The following CDH23 variants were observed in gnomAD, a reference collection of about 807,000 sequenced individuals.
The protein encoded by CDH23 is cadherin related 23.
Under a neutral mutation model 317.1 loss-of-function variants are expected in CDH23, and 189 were observed. That is an observed-to-expected ratio of 0.60 (90% CI 0.53 to 0.67). The LOEUF (loss-of-function observed/expected upper bound fraction) is 0.67, where lower values mean the gene tolerates loss of function less well. CDH23 is among the 30% of genes least tolerant of loss of function. The pLI, the probability that CDH23 is intolerant of heterozygous loss-of-function variation, is 0.00. For synonymous variants in CDH23, 1,839 were observed against 1,876.8 expected, an observed-to-expected ratio of 0.98 and a Z score of 0.52; for missense variants, 4,401 against 4,592.4, an observed-to-expected ratio of 0.96 and a Z score of 1.20.
intron 14 of CDH23, among the ~76,000 whole-genome samples, chr10:71,672,024 C>T (rs931903652): frequency 6.6e-6 from 1 of 152,116 alleles, no homozygotes; most frequent in South Asian, 2.1e-4. Context: ...TGACCCCACG[C>T]TGCCCTCTGG....
chr10:71,808,128 A>T (rs1377559616), intron 60 of CDH23, 121 bp downstream of exon 60: 1 of 1,192,068 alleles, frequency 8.4e-7, no homozygotes, highest in East Asian at 2.6e-5. Context: ...CCCCCCAGCC[A>T]GCCACACCAA....
chr10:71,716,269 G>A (rs570478513), intron 28 of CDH23: 15 of 1,538,870 alleles, frequency 9.7e-6, no homozygotes, highest in East Asian at 2.5e-5. Context: ...CGGGAGTGAC[G>A]GGAGCTGAGA....
At chr10:71,676,896 T>C (rs1864393788) in intron 15 of CDH23, among the ~76,000 whole-genome samples, 1 of 152,198 alleles carries the variant, frequency 6.6e-6, no homozygotes, top group African/African-American at 2.4e-5. Flanking sequence ...AGATGTCAAC[T>C]GACAGCTCAG....
intron 9 of CDH23, among the ~76,000 whole-genome samples, chr10:71,596,578 C>T (rs984900004): frequency 6.6e-6 from 1 of 152,212 alleles, no homozygotes; most frequent in South Asian, 2.1e-4. Context: ...AGCCTTTATT[C>T]GGTCCACTGT....
intron 60 of CDH23, among the ~76,000 whole-genome samples, chr10:71,809,353 A>G (rs1406439771): frequency 6.6e-6 from 1 of 151,282 alleles, no homozygotes; most frequent in African/African-American, 2.4e-5. Context: ...TAGATTTTGT[A>G]TTTTTAGTAC....
At chr10:71,585,796 A>C (rs1859015202) in intron 9 of CDH23, among the ~76,000 whole-genome samples, 1 of 152,180 alleles carries the variant, frequency 6.6e-6, no homozygotes, top group Non-Finnish European at 1.5e-5. Context: ...CAGTCTTTAT[A>C]GCCATGCTCA....
chr10:71,788,718 G>C (rs1841164715), intron 44 of CDH23, among the ~76,000 whole-genome samples: 2 of 152,216 alleles, frequency 1.3e-5, no homozygotes, highest in African/African-American at 2.4e-5. Flanking sequence ...GCCTCCCAAA[G>C]TGCTGGGATT....
At chr10:71,764,830 C>G (rs933221311) in intron 38 of CDH23, among the ~76,000 whole-genome samples, 1 of 152,218 alleles carries the variant, frequency 6.6e-6, no homozygotes, top group Non-Finnish European at 1.5e-5. Flanking sequence ...CCCACAGACT[C>G]AAGAGAGGAG....
chr10:71,599,365 A>T lies in CDH23; in HGVS notation c.833-16139A>T, dbSNP rs183700726. On this transcript the variant is annotated intron_variant, in intron 9 of 69. Coordinates refer to ENST00000224721, the MANE Select transcript of CDH23 (RefSeq NM_022124.6). The stretch of plus-strand genomic sequence containing the variant: ...GTTGGCTTCAAAAATGGCATCCCTG[A>T]CTTGAATGTGGACTGTGTCTTAGGT... Among the ~76,000 whole-genome samples, 40 of 152,262 alleles carry T rather than the reference A, an allele frequency of 2.6e-4. 1 individual carries two copies. Among genetic ancestry groups the T allele is most frequent in the African/African-American group, 9.4e-4 (39 of 41,546 alleles).
rs527963529 is a variant in CDH23, at chr10:71,792,323, A to G, written c.6254-859A>G. The stretch of plus-strand genomic sequence containing the variant: ...CCCCATGTCAGACACCAAAATAAAA[A>G]CCAAAAGAAAATATTAAAAAGTAGA... On this transcript the variant is annotated intron_variant, in intron 47 of 69. Coordinates refer to ENST00000224721, the MANE Select transcript of CDH23 (RefSeq NM_022124.6). Among the ~76,000 whole-genome samples, 42 of 152,266 alleles carry G rather than the reference A, an allele frequency of 2.8e-4. 1 individual carries two copies. In the South Asian group the frequency reaches 8.5e-3, roughly 31 times the overall value.
At chr10:71,438,292 C>T (rs1187337626) in intron 1 of CDH23, among the ~76,000 whole-genome samples, 31 of 142,422 alleles carry the variant, frequency 2.2e-4, no homozygotes, top group African/African-American at 2.9e-4. Flanking sequence ...TGCAGTGAGC[C>T]GAGATCACCC....
chr10:71,693,241 G>A (rs1227774434), intron 20 of CDH23, among the ~76,000 whole-genome samples: 1 of 151,910 alleles, frequency 6.6e-6, no homozygotes, highest in East Asian at 1.9e-4. Context: ...AATGGGCCCT[G>A]GTGGGGCTAT....
At chr10:71,773,921 C>T (rs1040711866) in intron 38 of CDH23, among the ~76,000 whole-genome samples, 1 of 152,102 alleles carries the variant, frequency 6.6e-6, no homozygotes, top group Non-Finnish European at 1.5e-5. Context: ...ATGTGGTAGG[C>T]ACTCCCAGCT....
chr10:71,419,783 A>G lies in CDH23; in HGVS notation c.-5-20044A>G, dbSNP rs199937777. Among the ~76,000 whole-genome samples the G allele has an allele frequency of 2.1e-4, 32 of 152,340 alleles. No individual in the cohort carries two copies. The East Asian group carries it at 6.2e-3, about 29-fold the overall frequency. ...AAACACCTCAGCATGTGTATCAGTA[A>G]GTGGTGAACTCATCTAATTTAACAA... On this transcript the variant is annotated intron_variant, in intron 1 of 69. Transcript: ENST00000224721.
intron 9 of CDH23, among the ~76,000 whole-genome samples, chr10:71,600,531 T>G (rs1417559848): frequency 1.3e-5 from 2 of 149,886 alleles, no homozygotes; most frequent in Non-Finnish European, 3.0e-5. Context: ...TTTTTTTTTT[T>G]TTTTGAGACG....
chr10:71,777,854 A>G lies in CDH23; in HGVS notation c.5020A>G (p.Ile1674Val), dbSNP rs1429997597. ...TCCCAACGGCACAGTCACCTATGCC[A>G]TCGTCGCAGGCAACATCGTCAACAC... ...EGPNGTVTYA[I>V]VAGNIVNTFR... is the part of the protein sequence containing the mutation. The change falls in exon 39 of 70, where the codon ATC (isoleucine) becomes GTC (valine). Residue 1674 changes from isoleucine (I) to valine (V), a missense_variant. Ile to Val is a conservative substitution (Grantham distance 29, BLOSUM62 3). Coordinates refer to ENST00000224721, the MANE Select transcript of CDH23 (RefSeq NM_022124.6). 3.1e-6 allele frequency: 5 copies of G among 1,613,846 alleles called. No homozygotes were observed. The South Asian group carries it at 3.3e-5, about 11-fold the overall frequency.
intron 6 of CDH23, among the ~76,000 whole-genome samples, chr10:71,542,748 T>C (rs1360737940): frequency 2.0e-5 from 3 of 152,182 alleles, no homozygotes; most frequent in Non-Finnish European, 2.9e-5. Context: ...AGGCTGGGAA[T>C]GGTGAATGAA....
chr10:71,571,933 G>C (rs1049746587), intron 8 of CDH23, among the ~76,000 whole-genome samples: 1 of 152,240 alleles, frequency 6.6e-6, no homozygotes, highest in Non-Finnish European at 1.5e-5. Flanking sequence ...TGGGGTGCAG[G>C]CTGTGCTCCT....
chr10:71,528,407 T>G (rs962890966), intron 6 of CDH23, among the ~76,000 whole-genome samples: 1 of 152,168 alleles, frequency 6.6e-6, no homozygotes, highest in Non-Finnish European at 1.5e-5. Flanking sequence ...GGCCAGTGCC[T>G]TGGGACGGGT....
Sources: gnomAD v4.1 joint callset for allele counts (sites outside exome capture counted in the v4.1 genomes callset) on GRCh38, gnomAD v4.1.1 for gene constraint, MANE v1.5 for transcripts, NCBI Gene and HGNC (gene_info 2026-07-23, HGNC 2026-07-21) for gene names.